The following PRTG variants were observed in gnomAD, a reference collection of about 807,000 sequenced individuals.
The protein encoded by PRTG is immunoglobulin superfamily, DCC subclass, member 5.
PRTG carries 67 observed loss-of-function variants against 122.5 expected under a neutral mutation model. That is an observed-to-expected ratio of 0.55 (90% CI 0.45 to 0.67). The LOEUF is 0.67. PRTG is among the 30% of genes least tolerant of loss of function. The probability of loss-of-function intolerance (pLI) is 0.00; values close to 1 mark genes in which losing one functional copy is unlikely to be tolerated. For missense variants in PRTG, 1,435 were observed against 1,415.4 expected, an observed-to-expected ratio of 1.01 and a Z score of -0.22; for synonymous variants, 554 against 501.1, an observed-to-expected ratio of 1.11 and a Z score of -1.41.
chr15:55,712,278 G>A (rs1223009323), intron 2 of PRTG, among the ~76,000 whole-genome samples: 7 of 152,218 alleles, frequency 4.6e-5, no homozygotes, highest in African/African-American at 1.7e-4. Flanking sequence ...GAAATGAAAT[G>A]GTTGGTCAGA....
Position 55,619,182 on chromosome 15 carries a change from G to C in PRTG, c.*830C>G, listed in dbSNP as rs921667178. On this transcript the variant is annotated 3_prime_UTR_variant, in exon 20 of 20. Coordinates refer to ENST00000389286, the MANE Select transcript of PRTG (RefSeq NM_173814.6). ...GCAGCTTGAGGTTTGGGATATAGGAGATAAAGCACTCAGACTCTAATGCCC... is the reference window on the plus strand; with the variant it reads ...GCAGCTTGAGGTTTGGGATATAGGACATAAAGCACTCAGACTCTAATGCCC... The C allele has an allele frequency of 6.6e-6, 1 of 152,128 alleles. No individual in the cohort carries two copies. Among genetic ancestry groups the C allele is most frequent in the African/African-American group, 2.4e-5 (1 of 41,430 alleles). 9.4% of individuals were successfully genotyped at this position (152,128 alleles called of 1,614,324 possible).
intron 18 of PRTG, among the ~76,000 whole-genome samples, chr15:55,621,590 G>A (rs552467340): frequency 1.3e-5 from 2 of 151,748 alleles, no homozygotes; most frequent in Non-Finnish European, 2.9e-5. Flanking sequence ...ACCCGGGGCC[G>A]AGATCGCGCC....
chr15:55,690,731 A>G (rs1216925431), intron 2 of PRTG, among the ~76,000 whole-genome samples: 7 of 152,236 alleles, frequency 4.6e-5, no homozygotes, highest in African/African-American at 1.7e-4. Context: ...TTATAAAAGC[A>G]AATAACAGAG....
chr15:55,726,985 C>T (rs753705460), intron 2 of PRTG, among the ~76,000 whole-genome samples: 3 of 149,850 alleles, frequency 2.0e-5, no homozygotes, highest in Non-Finnish European at 4.4e-5. Flanking sequence ...AACTGTAACA[C>T]ACCAAAACTT....
intron 13 of PRTG, among the ~76,000 whole-genome samples, chr15:55,638,955 ATCATTCAT>A (rs56726387): frequency 7.0e-4 from 104 of 148,350 alleles, no homozygotes; most frequent in East Asian, 5.2e-3. Context: ...TGGAAGTCAA[ATCATTCAT>A]TCATTCATTC....
chr15:55,662,650 G>T (rs756214339), intron 11 of PRTG, among the ~76,000 whole-genome samples: 1 of 152,122 alleles, frequency 6.6e-6, no homozygotes, highest in Non-Finnish European at 1.5e-5. Flanking sequence ...GAAAGTCTTT[G>T]AAGATTTTTT....
chr15:55,696,693 CACT>C (rs1206950901), intron 2 of PRTG, among the ~76,000 whole-genome samples: 2 of 152,186 alleles, frequency 1.3e-5, no homozygotes, highest in African/African-American at 4.8e-5. Flanking sequence ...CAAATGTGAT[CACT>C]ACATCTTGGG....
In PRTG at chr15:55,720,060, A is replaced by AAAAAG. The variant is rs374972863; in HGVS notation, c.397+20317_397+20321dup. On this transcript the variant is annotated intron_variant, in intron 2 of 19. Transcript: ENST00000389286. The stretch of plus-strand genomic sequence containing the variant: ...GGCAACGAGAGTGAAACTTCATCTC[A>AAAAAG]AAAAGAAAAGAAAAGAAAAGAAAAG... 2.3e-3 allele frequency among the ~76,000 whole-genome samples: 348 copies of AAAAAG among 151,934 alleles called. 2 individuals carry two copies. The highest frequency in any genetic ancestry group is 4.2e-3 in the African/African-American group (174 of 41,386).
At position 55,675,682 on chromosome 15, in the gene PRTG, A is replaced by G; in HGVS notation, c.1383T>C (p.Gly461=). The G allele has an allele frequency of 6.5e-7, 1 of 1,535,528 alleles. No homozygotes were observed. Among genetic ancestry groups the G allele is most frequent in the Non-Finnish European group, 9.0e-7 (1 of 1,114,376 alleles). ...CTACTTGATACTCTTCATTATTTAA[A>G]CCTAAATTAAAGAATCCATGTTTTA... ...AYSVHYMKAE[G]LNNEEYQVVI... Residue 461 remains glycine, a splice_region_variant and synonymous_variant, in exon 9 of 20, where the codon GGT becomes GGC. Coordinates refer to ENST00000389286, the MANE Select transcript of PRTG (RefSeq NM_173814.6).
chr15:55,713,942 T>C (rs1276717553), intron 2 of PRTG, among the ~76,000 whole-genome samples: 7 of 152,188 alleles, frequency 4.6e-5, no homozygotes, highest in African/African-American at 1.7e-4. Flanking sequence ...TTTTTCTTCA[T>C]GGGTTAGGCT....
chr15:55,642,061 C>A (rs1012324993), intron 11 of PRTG, among the ~76,000 whole-genome samples: 3 of 149,778 alleles, frequency 2.0e-5, no homozygotes, highest in African/African-American at 7.4e-5. Context: ...GTAGTCCCAG[C>A]TACTCGGGAG....
intron 11 of PRTG, among the ~76,000 whole-genome samples, chr15:55,659,574 G>A (rs1039318116): frequency 6.6e-6 from 1 of 152,096 alleles, no homozygotes; most frequent in Admixed American, 6.6e-5. Context: ...ATTATGTGGT[G>A]ATTTTATTAA....
intron 2 of PRTG, among the ~76,000 whole-genome samples, chr15:55,719,025 A>G (rs2917840): frequency 0.94 from 143,306 of 152,248 alleles, 67,822 homozygotes; most frequent in Middle Eastern, 0.99. Flanking sequence ...GATTACAGGC[A>G]TGAGCCACCG....
intron 2 of PRTG, among the ~76,000 whole-genome samples, chr15:55,722,940 A>G (rs1334784546): frequency 6.6e-6 from 1 of 152,222 alleles, no homozygotes; most frequent in African/African-American, 2.4e-5. Context: ...GTGGAGAAAA[A>G]GTCAGTAGAA....
rs1370653162 is a variant in PRTG, at chr15:55,679,305, T to G, written c.1114A>C (p.Arg372=). 1 of 1,612,350 alleles carries G rather than the reference T, an allele frequency of 6.2e-7. No individual in the cohort carries two copies. The highest frequency in any genetic ancestry group is 8.5e-7 in the Non-Finnish European group (1 of 1,178,628). ...GCCTACCTGTTGTACATTTTAATTC[T>G]ACCATTCGAATGTATCTTCCTTCCA... The part of the protein sequence containing the change: ...KNGRKIHSNG[R]IKMYNSKLVI... The change falls in exon 7 of 20, where the codon AGA becomes CGA. Residue 372 remains arginine (R), a synonymous_variant. Coordinates refer to ENST00000389286, the MANE Select transcript of PRTG (RefSeq NM_173814.6).
chr15:55,736,463 T>C (rs1173854339), intron 2 of PRTG, among the ~76,000 whole-genome samples: 10 of 152,244 alleles, frequency 6.6e-5, no homozygotes, highest in African/African-American at 2.2e-4. Flanking sequence ...TTATAATTTA[T>C]GCATTACTTT....
intron 2 of PRTG, among the ~76,000 whole-genome samples, chr15:55,708,148 TAAAAAAAAAAAAA>T (rs35216342): frequency 0.012 from 809 of 70,048 alleles, 22 homozygotes; most frequent in African/African-American, 0.048. Flanking sequence ...AGTAAGCTGG[TAAAAAAAAAAAAA>T]AAAAAAAAAA....
chr15:55,709,615 A>T, intron 2 of PRTG, among the ~76,000 whole-genome samples: 1 of 152,134 alleles, frequency 6.6e-6, no homozygotes, highest in Non-Finnish European at 1.5e-5. Context: ...ATGGCCTCAA[A>T]CTGTTTGGAA....
At position 55,618,844 on chromosome 15, in the gene PRTG, A is replaced by G. The variant is rs375455846; in HGVS notation, c.*1168T>C. On this transcript the variant is annotated 3_prime_UTR_variant, in exon 20 of 20. Transcript: ENST00000389286. Reference sequence around the variant, plus strand: ...GTTCCTAAACAATTTCATGAATATTAAAAAGGTATAAGGCAAAGAATTTCA... The same window carrying G: ...GTTCCTAAACAATTTCATGAATATTGAAAAGGTATAAGGCAAAGAATTTCA... 9.8e-5 allele frequency: 15 copies of G among 152,324 alleles called. No homozygotes were observed. The South Asian group carries it at 3.1e-3, about 32-fold the overall frequency. 9.4% of individuals were successfully genotyped at this position (152,324 alleles called of 1,614,324 possible).
Sources: allele counts gnomAD v4.1 joint callset (sites outside exome capture counted in the v4.1 genomes callset), GRCh38; gene constraint gnomAD v4.1.1; transcripts MANE v1.5; gene names NCBI Gene and HGNC (gene_info 2026-07-23, HGNC 2026-07-21).